Variants in TM4SF4 observed in about 807,000 individuals in gnomAD.
TM4SF4 encodes transmembrane 4 L6 family member 4.
In TM4SF4, 24 loss-of-function variants were observed where a neutral mutation model predicts 24.1. That is an observed-to-expected ratio of 1.00 (90% CI 0.72 to 1.40). The LOEUF is 1.40. TM4SF4 is among the 40% of genes most tolerant of loss of function. TM4SF4 has a pLI of 0.00. For synonymous variants in TM4SF4, 113 were observed against 97.0 expected (o/e 1.17, Z -0.97); for missense variants, 254 against 254.2 (o/e 1.00, Z 0.01).
rs1733918772 is a variant in TM4SF4, at chr3:149,475,864, T to C, written c.216T>C (p.Asn72=). 6.2e-7 allele frequency: 1 copy of C among 1,613,218 alleles called. No individual in the cohort carries two copies. Among genetic ancestry groups the C allele is most frequent in the East Asian group, 2.2e-5 (1 of 44,860 alleles). The part of the protein sequence containing the change: ...PALVFLGLKN[N]DCCGCCGNEG... ...TGGTGTTCTTGGGCCTGAAGAACAATGACTGCTGTGGGTGCTGCGGCAACG... is the reference window on the plus strand; with the variant it reads ...TGGTGTTCTTGGGCCTGAAGAACAACGACTGCTGTGGGTGCTGCGGCAACG... The change falls in exon 2 of 5, where the codon AAT becomes AAC. Residue 72 remains asparagine, a synonymous_variant. Transcript: ENST00000305354.
At chr3:149,480,592 C>T (rs572024205) in intron 2 of TM4SF4, among the ~76,000 whole-genome samples, 2 of 152,088 alleles carry the variant, frequency 1.3e-5, no homozygotes, top group African/African-American at 2.4e-5. Context: ...CTCATCAGTG[C>T]CCCCTAGAGA....
At chr3:149,486,524 C>T (rs1355017743) in intron 2 of TM4SF4, among the ~76,000 whole-genome samples, 3 of 152,280 alleles carry the variant, frequency 2.0e-5, no homozygotes, top group Middle Eastern at 3.4e-3. Context: ...TTCTTAACAT[C>T]CTGGGCCTAC....
intron 1 of TM4SF4, 129 bp downstream of exon 1, chr3:149,475,180 GGTCAATGCCTTAATTTTTTTCTC>G: frequency 1.0e-6 from 1 of 995,242 alleles, no homozygotes; most frequent in Non-Finnish European, 1.4e-6. Context: ...CATGGTGAGA[GGTCAATGCCTTAATTTTTTTCTC>G]GTTTCTGTTA....
intron 3 of TM4SF4, 44 bp downstream of exon 3, chr3:149,487,799 ATG>A: frequency 6.2e-7 from 1 of 1,602,834 alleles, no homozygotes; most frequent in Non-Finnish European, 8.5e-7. Flanking sequence ...CACAAGGGGC[ATG>A]GGCAGATAAA....
At chr3:149,488,081 A>G (rs566056827) in intron 3 of TM4SF4, among the ~76,000 whole-genome samples, 1 of 152,350 alleles carries the variant, frequency 6.6e-6, no homozygotes, top group African/African-American at 2.4e-5. Context: ...TAATATTAAT[A>G]AACAGAGTAA....
chr3:149,499,005 A>G (rs1734367259), intron 4 of TM4SF4, 94 bp downstream of exon 4: 1 of 1,349,786 alleles, frequency 7.4e-7, no homozygotes. Flanking sequence ...CCAGCACTGA[A>G]GGAATGAGGG....
intron 2 of TM4SF4, among the ~76,000 whole-genome samples, chr3:149,480,818 T>C (rs1560029256): frequency 6.6e-6 from 1 of 152,110 alleles, no homozygotes; most frequent in African/African-American, 2.4e-5. Context: ...CTCCCTAAGC[T>C]CCTATTTTTA....
At chr3:149,475,774 C>A (rs1273356195) in intron 1 of TM4SF4, 49 bp from the exon 2 acceptor site, 2 of 1,519,056 alleles carry the variant, frequency 1.3e-6, no homozygotes, top group East Asian at 4.8e-5. Flanking sequence ...AGGCTCGGGC[C>A]CTCCCTTCAA....
intron 4 of TM4SF4, among the ~76,000 whole-genome samples, chr3:149,499,378 C>T (rs1160736530): frequency 6.6e-6 from 1 of 152,006 alleles, no homozygotes; most frequent in Admixed American, 6.6e-5. Context: ...ATTTCTGATA[C>T]AGAAAAAGAG....
At chr3:149,497,642 G>A (rs1038864784) in intron 3 of TM4SF4, among the ~76,000 whole-genome samples, 11 of 152,020 alleles carry the variant, frequency 7.2e-5, no homozygotes, top group Admixed American at 3.9e-4. Flanking sequence ...AAGGCACAAT[G>A]CCCTTTATTT....
At chr3:149,479,653 C>T (rs530795696) in intron 2 of TM4SF4, among the ~76,000 whole-genome samples, 11 of 152,278 alleles carry the variant, frequency 7.2e-5, no homozygotes, top group Non-Finnish European at 1.3e-4. Flanking sequence ...CCAGCTCCTT[C>T]GGGGACACGG....
chr3:149,494,986 G>C (rs1362433302), intron 3 of TM4SF4: 1 of 208,684 alleles, frequency 4.8e-6, no homozygotes, highest in Non-Finnish European at 1.0e-5. Flanking sequence ...GTGCTATCCT[G>C]ATTGTTGCTG....
At position 149,503,365 on chromosome 3, in the gene TM4SF4, T is replaced by C. The variant is rs554338745; in HGVS notation, c.*672T>C. 2.0e-5 allele frequency: 3 copies of C among 152,294 alleles called. No individual in the cohort carries two copies. In the East Asian group the frequency reaches 5.8e-4, roughly 29 times the overall value. 9.4% of individuals were successfully genotyped at this position (152,294 alleles called of 1,614,324 possible). A position where few individuals can be genotyped will look rare whatever the true frequency, so the allele number is the denominator to read the frequency against. ...TCTTTTCTACAAATGCTTCCTTTGA[T>C]CAAACAAAAAAAAGTTTTTAAAAAA... On this transcript the variant is annotated 3_prime_UTR_variant, in exon 5 of 5. Coordinates refer to ENST00000305354, the MANE Select transcript of TM4SF4 (RefSeq NM_004617.4).
At chr3:149,495,890 T>G in intron 3 of TM4SF4, 1 of 191,402 alleles carries the variant, frequency 5.2e-6, no homozygotes. Flanking sequence ...CATGTTGCTG[T>G]TTGTGATATG....
At chr3:149,487,461 C>A (rs982964417) in intron 2 of TM4SF4, among the ~76,000 whole-genome samples, 158 bp from the exon 3 acceptor site, 2 of 152,168 alleles carry the variant, frequency 1.3e-5, no homozygotes, top group African/African-American at 2.4e-5. Context: ...CACCAAAATT[C>A]ATTCTAGAAG....
In TM4SF4 at chr3:149,475,897, T is replaced by C. The variant is rs1802837; in HGVS notation, c.249T>C (p.Cys83=). 631,354 of 1,610,820 alleles carry C rather than the reference T, an allele frequency of 0.39. 129,090 individuals carry two copies. The highest frequency in any genetic ancestry group is 0.43 in the Non-Finnish European group (505,724 of 1,178,336). ...DCCGCCGNEG[C]GKRFAMFTST... ...GTGGGTGCTGCGGCAACGAGGGCTGTGGGAAGCGATTTGCGGTGAGTTACC... is the reference window on the plus strand; with the variant it reads ...GTGGGTGCTGCGGCAACGAGGGCTGCGGGAAGCGATTTGCGGTGAGTTACC... Residue 83 remains cysteine, a synonymous_variant, in exon 2 of 5, where the codon TGT becomes TGC. Coordinates refer to ENST00000305354, the MANE Select transcript of TM4SF4 (RefSeq NM_004617.4).
At chr3:149,476,358 G>T (rs534010906) in intron 2 of TM4SF4, among the ~76,000 whole-genome samples, 4 of 152,198 alleles carry the variant, frequency 2.6e-5, no homozygotes, top group Admixed American at 1.3e-4. Context: ...AGGCTTCTAG[G>T]TTCCTCACTC....
Position 149,491,945 on chromosome 3 carries a change from G to A in TM4SF4, c.401+4190G>A, listed in dbSNP as rs554139641. Among the ~76,000 whole-genome samples, 10 of 152,322 alleles carry A rather than the reference G, an allele frequency of 6.6e-5. No individual in the cohort carries two copies. The South Asian group carries it at 2.1e-3, about 32-fold the overall frequency. ...AGAAGGGGCCGCCACACGATGTGGT[G>A]AGACTGAGAGGCAGCCAGACCTTCA... On this transcript the variant is annotated intron_variant, in intron 3 of 4. Coordinates refer to ENST00000305354, the MANE Select transcript of TM4SF4 (RefSeq NM_004617.4).
At chr3:149,493,527 C>G (rs1457827531) in intron 3 of TM4SF4, among the ~76,000 whole-genome samples, 1 of 152,092 alleles carries the variant, frequency 6.6e-6, no homozygotes, top group Non-Finnish European at 1.5e-5. Context: ...TTACTCTATG[C>G]CAAGCACTGT....
Sources: gnomAD v4.1 joint callset for allele counts (sites outside exome capture counted in the v4.1 genomes callset) on GRCh38, gnomAD v4.1.1 for gene constraint, MANE v1.5 for transcripts, NCBI Gene and HGNC (gene_info 2026-07-23, HGNC 2026-07-21) for gene names.